The following RLF variants were observed in gnomAD, a reference collection of about 807,000 sequenced individuals.
RLF encodes zinc finger protein Rlf.
Under a neutral mutation model 162.9 loss-of-function variants are expected in RLF, and 7 were observed. That is an observed-to-expected ratio of 0.04 (90% CI 0.02 to 0.08). RLF has a LOEUF of 0.08. Ranked by LOEUF, RLF falls within the 10% of genes least tolerant of loss-of-function variation. The pLI is 1.00. For missense variants in RLF, 1,664 were observed against 2,244.7 expected, an observed-to-expected ratio of 0.74 and a Z score of 5.23; for synonymous variants, 782 against 791.5, an observed-to-expected ratio of 0.99 and a Z score of 0.20.
intron 1 of RLF, among the ~76,000 whole-genome samples, chr1:40,169,759 C>T (rs190508705): frequency 0.028 from 4,011 of 141,874 alleles, 208 homozygotes; most frequent in African/African-American, 0.097. Context: ...GTGACGTGAT[C>T]TCGGCTCACT....
At chr1:40,229,800 C>T (rs755968118) in intron 6 of RLF, among the ~76,000 whole-genome samples, 5 of 151,922 alleles carry the variant, frequency 3.3e-5, no homozygotes, top group Non-Finnish European at 1.5e-5. Context: ...ATCTTTGAAG[C>T]GAGTTTTATA....
At chr1:40,223,846 G>C (rs1169034263) in intron 6 of RLF, among the ~76,000 whole-genome samples, 2 of 152,240 alleles carry the variant, frequency 1.3e-5, no homozygotes, top group Non-Finnish European at 2.9e-5. Flanking sequence ...CCAGGTTTTA[G>C]ACTTCTAATC....
chr1:40,216,544 T>C, intron 5 of RLF, among the ~76,000 whole-genome samples: 1 of 149,648 alleles, frequency 6.7e-6, no homozygotes, highest in East Asian at 2.0e-4. Context: ...CACAGATAAA[T>C]AGAAAACCTG....
At chr1:40,199,484 T>C (rs1334533826) in intron 4 of RLF, among the ~76,000 whole-genome samples, 1 of 152,182 alleles carries the variant, frequency 6.6e-6, no homozygotes, top group Admixed American at 6.5e-5. Context: ...GAAACTTGAG[T>C]CTCAGAGAGG....
At chr1:40,208,880 C>T (rs528289273) in intron 5 of RLF, among the ~76,000 whole-genome samples, 4 of 152,194 alleles carry the variant, frequency 2.6e-5, no homozygotes, top group Admixed American at 2.0e-4. Flanking sequence ...ATATTACTGG[C>T]GCATAGTAGT....
At chr1:40,209,281 C>G (rs948419540) in intron 5 of RLF, among the ~76,000 whole-genome samples, 42 of 152,296 alleles carry the variant, frequency 2.8e-4, no homozygotes, top group African/African-American at 1.0e-3. Flanking sequence ...ACTAGCCATA[C>G]AGCCTTGGCC....
Position 40,238,358 on chromosome 1 carries a change from C to T in RLF, c.3656C>T (p.Ser1219Leu). ...NEKCDHEGPC[S>L]VDRLKGDCSA... ...AAGTGTGATCATGAAGGCCCATGTT[C>T]AGTAGATAGGTTGAAAGGTGATTGT... Residue 1219 changes from serine (S) to leucine (L), a missense_variant, in exon 8 of 8, where the codon TCA (serine) becomes TTA (leucine). Ser to Leu is a moderately radical substitution (Grantham distance 145). Around this residue, in one of 15 missense-constraint regions of RLF, gnomAD observed 102 missense variants for 109.5 expected, o/e 0.93. Transcript: ENST00000372771. This position sits in a 1 kb window ranked among gnomAD's most constrained non-coding sequence, Gnocchi z 5.2. The T allele has an allele frequency of 6.2e-7, 1 of 1,614,086 alleles. No individual in the cohort carries two copies. Among genetic ancestry groups the T allele is most frequent in the Non-Finnish European group, 8.5e-7 (1 of 1,180,006 alleles).
At chr1:40,197,003 C>T (rs1247818821) in intron 4 of RLF, among the ~76,000 whole-genome samples, 1 of 152,108 alleles carries the variant, frequency 6.6e-6, no homozygotes, top group Admixed American at 6.5e-5. Flanking sequence ...GACTTTAGAA[C>T]AATTATTACA....
chr1:40,179,098 A>T (rs138871789), intron 1 of RLF, among the ~76,000 whole-genome samples: 1 of 151,960 alleles, frequency 6.6e-6, no homozygotes, highest in African/African-American at 2.4e-5. Flanking sequence ...GCCTCCCAAA[A>T]TGCTGGGATT....
rs1207399813 is a variant in RLF, at chr1:40,169,646, T to A, written c.237+8010T>A. On this transcript the variant is annotated intron_variant, in intron 1 of 7. Transcript: ENST00000372771. ...TCAAAAAAAAAAAAAAAAAAAAAAA[T>A]AAGTGCTTCTTGAAATAAGGGTTCT... 2.6e-3 allele frequency among the ~76,000 whole-genome samples: 329 copies of A among 127,526 alleles called. 1 individual carries two copies. The highest frequency in any genetic ancestry group is 6.5e-3 in the African/African-American group (209 of 32,292). 83.7% of individuals were successfully genotyped at this position (127,526 alleles called of 152,430 possible). A position where few individuals can be genotyped will look rare whatever the true frequency, so the allele number is the denominator to read the frequency against.
chr1:40,229,542 C>T (rs916888128), intron 6 of RLF, among the ~76,000 whole-genome samples: 2 of 150,242 alleles, frequency 1.3e-5, no homozygotes, highest in Admixed American at 6.6e-5. Flanking sequence ...GCAACCTCCA[C>T]CTCCCGGGTT....
intron 1 of RLF, among the ~76,000 whole-genome samples, chr1:40,187,427 T>C (rs1421443130): frequency 6.6e-6 from 1 of 152,202 alleles, no homozygotes; most frequent in African/African-American, 2.4e-5. Context: ...TGCTTAGGGG[T>C]CAGTTTTATA....
intron 3 of RLF, 35 bp from the exon 4 acceptor site, chr1:40,195,597 T>G: frequency 6.4e-7 from 1 of 1,570,414 alleles, no homozygotes; most frequent in African/African-American, 1.4e-5. Context: ...TTTATATTGT[T>G]AACTTATTTT....
At chr1:40,165,532 T>C (rs1404453354) in intron 1 of RLF, among the ~76,000 whole-genome samples, 1 of 152,172 alleles carries the variant, frequency 6.6e-6, no homozygotes, top group Non-Finnish European at 1.5e-5. Context: ...CTGTGAAGCT[T>C]TTCCTGATTT....
At chr1:40,184,326 T>G (rs1642444431) in intron 1 of RLF, among the ~76,000 whole-genome samples, 1 of 152,170 alleles carries the variant, frequency 6.6e-6, no homozygotes, top group Admixed American at 6.5e-5. Context: ...CCTAGAGAAG[T>G]GAACCAATGT....
At chr1:40,202,743 G>T (rs1642734430) in intron 5 of RLF, 129 bp downstream of exon 5, 1 of 553,014 alleles carries the variant, frequency 1.8e-6, no homozygotes, top group Admixed American at 4.1e-5. Context: ...CAAAATGTAT[G>T]ATTTTAATTG....
chr1:40,167,401 A>G (rs958781176), intron 1 of RLF, among the ~76,000 whole-genome samples: 9 of 152,200 alleles, frequency 5.9e-5, no homozygotes, highest in African/African-American at 2.2e-4. Flanking sequence ...TAGCTTTGTA[A>G]TGCACATGAC....
intron 1 of RLF, among the ~76,000 whole-genome samples, chr1:40,164,315 A>G (rs544703688): frequency 6.6e-6 from 1 of 152,342 alleles, no homozygotes; most frequent in East Asian, 1.9e-4. Flanking sequence ...GCAGCACTTA[A>G]AAGAAATGGC....
intron 2 of RLF, among the ~76,000 whole-genome samples, chr1:40,190,323 A>G (rs1642538697): frequency 6.6e-6 from 1 of 152,202 alleles, no homozygotes; most frequent in African/African-American, 2.4e-5. Flanking sequence ...AGGTAAAGAA[A>G]CGACTTTGCC....
Sources: allele counts gnomAD v4.1 joint callset (sites outside exome capture counted in the v4.1 genomes callset), GRCh38; gene constraint gnomAD v4.1.1; regional missense constraint gnomAD v4.1.1; non-coding constraint Gnocchi (gnomAD v3.1); transcripts MANE v1.5; gene names NCBI Gene and HGNC (gene_info 2026-07-23, HGNC 2026-07-21).